FASTKD2: variants seen among roughly 807,000 people sequenced by gnomAD.
FASTKD2 encodes FAST kinase domains 2.
In FASTKD2, 51 loss-of-function variants were observed where a neutral mutation model predicts 63.6. The ratio of observed to expected loss-of-function variants is 0.80; its 90% CI spans 0.64 to 1.01. FASTKD2 has a LOEUF of 1.01. FASTKD2 is among the 50% of genes least tolerant of loss of function. The pLI is 0.00. For missense variants in FASTKD2, 786 were observed against 831.1 expected (o/e 0.95, Z 0.67); for synonymous variants, 284 against 293.4 (o/e 0.97, Z 0.33).
intron 7 of FASTKD2, among the ~76,000 whole-genome samples, chr2:206,776,767 T>C (rs777204236): frequency 1.4e-4 from 21 of 152,034 alleles, no homozygotes; most frequent in Non-Finnish European, 2.8e-4. Flanking sequence ...TCAAAATTGC[T>C]TTGGCAGTTC....
At chr2:206,787,860 C>G in intron 8 of FASTKD2, 77 bp from the exon 9 acceptor site, 8 of 640,140 alleles carry the variant, frequency 1.2e-5, no homozygotes, top group Non-Finnish European at 2.1e-5. Flanking sequence ...ATAACTATTA[C>G]TAAATATATA....
intron 7 of FASTKD2, among the ~76,000 whole-genome samples, chr2:206,776,026 A>T (rs1262595400): frequency 6.6e-6 from 1 of 151,824 alleles, no homozygotes; most frequent in African/African-American, 2.4e-5. Flanking sequence ...GGCCATTTGT[A>T]TGTCTTCTTT....
chr2:206,774,472 GA>G (rs1390523012), intron 7 of FASTKD2, 75 bp downstream of exon 7: 1 of 964,920 alleles, frequency 1.0e-6, no homozygotes. Flanking sequence ...TAAGCTTAAT[GA>G]ATTATTACAA....
chr2:206,772,877 T>G (rs1416945714), intron 6 of FASTKD2, among the ~76,000 whole-genome samples: 1 of 152,238 alleles, frequency 6.6e-6, no homozygotes. Context: ...ATGTATTAAA[T>G]GCATTTTGAC....
In FASTKD2 at chr2:206,782,280, C is replaced by T. The variant is rs180977478; in HGVS notation, c.1428-4453C>T. On this transcript the variant is annotated intron_variant, in intron 7 of 11. Transcript: ENST00000402774. ...GGGCTGACCTGGGTAAAATGTTCTTCTTGCCTGTTTCAGTGCAACTCTTCT... is the reference window on the plus strand; with the variant it reads ...GGGCTGACCTGGGTAAAATGTTCTTTTTGCCTGTTTCAGTGCAACTCTTCT... 2.3e-3 allele frequency among the ~76,000 whole-genome samples: 348 copies of T among 152,328 alleles called. 2 individuals carry two copies. Among genetic ancestry groups the T allele is most frequent in the African/African-American group, 7.9e-3 (328 of 41,574 alleles).
At position 206,795,778 on chromosome 2, in the gene FASTKD2, T is replaced by A. The variant is rs1306063260; in HGVS notation, c.*3976T>A. On this transcript the variant is annotated 3_prime_UTR_variant, in exon 12 of 12. Coordinates refer to ENST00000402774, the MANE Select transcript of FASTKD2 (RefSeq NM_001136193.2). Reference sequence around the variant, plus strand: ...GCATTTTATTTTTCTAGAAGAGCAATAACAGAGACCCCAGGGTGTGGTGTG... The same window carrying A: ...GCATTTTATTTTTCTAGAAGAGCAAAAACAGAGACCCCAGGGTGTGGTGTG... 6.6e-6 allele frequency among the ~76,000 whole-genome samples: 1 copy of A among 152,164 alleles called. No homozygotes were observed. The highest frequency in any genetic ancestry group is 2.4e-5 in the African/African-American group (1 of 41,448).
Position 206,770,321 on chromosome 2 carries a change from A to G in FASTKD2, c.881+127A>G. 7 of 721,158 alleles carry G rather than the reference A, an allele frequency of 9.7e-6. No individual in the cohort carries two copies. In the South Asian group the frequency reaches 1.0e-4, roughly 11 times the overall value. 44.7% of individuals were successfully genotyped at this position (721,158 alleles called of 1,614,324 possible). On this transcript the variant is annotated intron_variant, in intron 3 of 11. Coordinates refer to ENST00000402774, the MANE Select transcript of FASTKD2 (RefSeq NM_001136193.2). Reference sequence around the variant, plus strand: ...GAGGGGTTGGGGAGGCTTTGTTGGTAGTTACAGTCTTTCATACCTTATTAA... The same window carrying G: ...GAGGGGTTGGGGAGGCTTTGTTGGTGGTTACAGTCTTTCATACCTTATTAA...
intron 7 of FASTKD2, among the ~76,000 whole-genome samples, chr2:206,781,500 G>C (rs1285506791): frequency 1.3e-5 from 2 of 151,552 alleles, no homozygotes; most frequent in Non-Finnish European, 2.9e-5. Flanking sequence ...AGTTTTGGTA[G>C]AGACGGGGTT....
At chr2:206,791,452 T>G in intron 11 of FASTKD2, 1 of 509,802 alleles carries the variant, frequency 2.0e-6, no homozygotes, top group Non-Finnish European at 3.5e-6. Flanking sequence ...AAGAAAGCAG[T>G]TTTTGCACCA....
intron 1 of FASTKD2, among the ~76,000 whole-genome samples, chr2:206,766,215 G>C (rs1339802275): frequency 1.5e-5 from 2 of 135,234 alleles, no homozygotes; most frequent in African/African-American, 5.7e-5. Flanking sequence ...AGCCAAGATC[G>C]CGCCACTGCA....
intron 7 of FASTKD2, among the ~76,000 whole-genome samples, chr2:206,778,880 A>C (rs575290700): frequency 6.6e-6 from 1 of 152,158 alleles, no homozygotes; most frequent in Non-Finnish European, 1.5e-5. Context: ...TGAGAATCTA[A>C]TGCCTTATGA....
At chr2:206,772,074 T>C (rs984886971) in intron 5 of FASTKD2, 57 bp downstream of exon 5, 2 of 1,604,040 alleles carry the variant, frequency 1.2e-6, no homozygotes, top group African/African-American at 2.7e-5. Context: ...TTTAGACTAT[T>C]TTTGTTTTGT....
intron 7 of FASTKD2, among the ~76,000 whole-genome samples, chr2:206,776,272 C>G (rs1004696134): frequency 6.6e-6 from 1 of 151,682 alleles, no homozygotes; most frequent in Non-Finnish European, 1.5e-5. Flanking sequence ...TGGATAATAA[C>G]TGCTTATCAT....
At chr2:206,766,457 T>C (rs1401336231) in intron 1 of FASTKD2, among the ~76,000 whole-genome samples, 187 bp from the exon 2 acceptor site, 2 of 152,166 alleles carry the variant, frequency 1.3e-5, no homozygotes. Flanking sequence ...ACCTGGCTTC[T>C]TTGAAACTGG....
At position 206,788,880 on chromosome 2, in the gene FASTKD2, A is replaced by G; in HGVS notation, c.1875A>G (p.Thr625=). 1 of 1,565,168 alleles carries G rather than the reference A, an allele frequency of 6.4e-7. No homozygotes were observed. The highest frequency in any genetic ancestry group is 8.8e-7 in the Non-Finnish European group (1 of 1,135,786). The part of the protein sequence containing the change: ...NQVLPLSDVD[T]TSATDIQRVA... ...TGCTACCACTTTCTGATGTGGATAC[A>G]ACTTCTGCTACAGATATTCAAAGGT... Residue 625 remains threonine (T), a synonymous_variant, in exon 10 of 12, where the codon ACA becomes ACG. Coordinates refer to ENST00000402774, the MANE Select transcript of FASTKD2 (RefSeq NM_001136193.2).
intron 6 of FASTKD2, 143 bp from the exon 7 acceptor site, chr2:206,774,082 C>T: frequency 1.6e-6 from 1 of 608,902 alleles, no homozygotes. Flanking sequence ...ATGATTGTTC[C>T]TTTTCATGGA....
At position 206,786,736 on chromosome 2, in the gene FASTKD2, G is replaced by T. The variant is rs371052365; in HGVS notation, c.1431G>T (p.Gln477His). Residue 477 changes from glutamine to histidine, a missense_variant, in exon 8 of 12, where the codon CAG (glutamine) becomes CAT (histidine). Transcript: ENST00000402774. ...CTGACTTTTCTTTGTTCCCCAGACA[G>T]TTCGTGGAAGTTATGGCTAGTGCTC... The part of the protein sequence containing the change: ...NHVYKCQNKE[Q>H]FVEVMASALT... The T allele has an allele frequency of 6.8e-6, 11 of 1,613,778 alleles. No individual in the cohort carries two copies. The highest frequency in any genetic ancestry group is 6.7e-5 in the African/African-American group (5 of 75,034).
chr2:206,781,653 TG>T (rs1429788084), intron 7 of FASTKD2, among the ~76,000 whole-genome samples: 1 of 147,178 alleles, frequency 6.8e-6, no homozygotes, highest in African/African-American at 2.5e-5. Context: ...AGGGATTTAC[TG>T]GTTTCTTTTT....
rs542123314 is a variant in FASTKD2 at position 206,778,738 on chromosome 2, C to G, written c.1427+4341C>G. Among the ~76,000 whole-genome samples, 57 of 151,974 alleles carry G rather than the reference C, an allele frequency of 3.8e-4. 1 individual carries two copies. In the South Asian group the frequency reaches 0.012, roughly 32 times the overall value. ...GTGGCCTGTTAGGAACTGGGCCACA[C>G]AGCAGGAGGTGAGTGGCAGGCGAAC... On this transcript the variant is annotated intron_variant, in intron 7 of 11. Transcript: ENST00000402774.
Sources: gnomAD v4.1 joint callset for allele counts (sites outside exome capture counted in the v4.1 genomes callset) on GRCh38, gnomAD v4.1.1 for gene constraint, MANE v1.5 for transcripts, NCBI Gene and HGNC (gene_info 2026-07-23, HGNC 2026-07-21) for gene names.